The following ZNF165 variants were observed in gnomAD, a reference collection of about 807,000 sequenced individuals.
The protein encoded by ZNF165 is cancer/testis antigen 53.
ZNF165 carries 14 observed loss-of-function variants against 19.6 expected under a neutral mutation model. The observed-to-expected ratio is 0.71, with a 90% confidence interval of 0.47 to 1.12. The LOEUF is 1.12. Ranked by LOEUF, ZNF165 falls within the 50% of genes most tolerant of loss-of-function variation. ZNF165 has a pLI of 0.00. For missense variants in ZNF165, 504 were observed against 566.3 expected (o/e 0.89, Z 1.12); for synonymous variants, 165 against 195.0 (o/e 0.85, Z 1.28).
rs150684212 is a variant in ZNF165, at chr6:28,085,686, G to A, written c.206G>A (p.Arg69His). The A allele has an allele frequency of 1.2e-3, 1,960 of 1,614,084 alleles. 4 individuals carry two copies. The highest frequency in any genetic ancestry group is 1.5e-3 in the Non-Finnish European group (1,792 of 1,180,030). ...CCTGGACCTCGCGAGGCACTGAGCC[G>A]CCTCCGGGAGCTCTGCTGTCAGTGG... ...DSPGPREALS[R>H]LRELCCQWLK... Residue 69 changes from arginine to histidine, a missense_variant, in exon 2 of 4, where the codon CGC becomes CAC. Coordinates refer to ENST00000683778, the MANE Select transcript of ZNF165 (RefSeq NM_001376491.1).
Position 28,088,792 on chromosome 6 carries a change from C to A in ZNF165, c.780C>A (p.Thr260=), listed in dbSNP as rs1194689553. 6.8e-6 allele frequency: 11 copies of A among 1,613,882 alleles called. No homozygotes were observed. The highest frequency in any genetic ancestry group is 8.5e-6 in the Non-Finnish European group (10 of 1,180,020). Residue 260 remains threonine, a synonymous_variant, in exon 4 of 4, where the codon ACC becomes ACA. Coordinates refer to ENST00000683778, the MANE Select transcript of ZNF165 (RefSeq NM_001376491.1). ...ATGAAGGTTTTGGTAAAATCCTCAC[C>A]CACAAAAATACAGTCAGAGGTGAAA... ...AQDEGFGKIL[T]HKNTVRGEII... is the part of the protein sequence containing the mutation.
At position 28,088,747 on chromosome 6, in the gene ZNF165, G is replaced by A. The variant is rs1317498509; in HGVS notation, c.735G>A (p.Gln245=). The stretch of plus-strand genomic sequence containing the variant: ...GGGAAAAAGAATCAGGGGAGTCTCA[G>A]AGACTCTCGTCTGCCCAGGATGAAG... ...RQWEKESGES[Q]RLSSAQDEGF... The change falls in exon 4 of 4, where the codon CAG becomes CAA. Residue 245 remains glutamine, a synonymous_variant. Coordinates refer to ENST00000683778, the MANE Select transcript of ZNF165 (RefSeq NM_001376491.1). 6.2e-7 allele frequency: 1 copy of A among 1,614,154 alleles called. No homozygotes were observed. The highest frequency in any genetic ancestry group is 1.3e-5 in the African/African-American group (1 of 75,034).
intron 1 of ZNF165, 94 bp from the exon 2 acceptor site, chr6:28,085,387 A>G (rs1291838212): frequency 1.2e-5 from 16 of 1,290,038 alleles, no homozygotes; most frequent in Non-Finnish European, 1.7e-5. Flanking sequence ...TCATCTTCTT[A>G]GACAGTAATA....
chr6:28,087,435 G>A lies in ZNF165; in HGVS notation c.550+1125G>A, dbSNP rs139970647. Among the ~76,000 whole-genome samples, 403 of 152,198 alleles carry A rather than the reference G, an allele frequency of 2.6e-3. 1 individual carries two copies. Among genetic ancestry groups the A allele is most frequent in the African/African-American group, 9.1e-3 (378 of 41,516 alleles). On this transcript the variant is annotated intron_variant, in intron 3 of 3. Coordinates refer to ENST00000683778, the MANE Select transcript of ZNF165 (RefSeq NM_001376491.1). ...TAATTTTTGTATTTTTAGTAGAGAC[G>A]GGGTTTCACCATGTTGGCCAGGCTG...
chr6:28,088,636 A>G lies in ZNF165; in HGVS notation c.624A>G (p.Ile208Met), dbSNP rs1764347966. 2 of 1,613,786 alleles carry G rather than the reference A, an allele frequency of 1.2e-6. No individual in the cohort carries two copies. Among genetic ancestry groups the G allele is most frequent in the East Asian group, 2.2e-5 (1 of 44,884 alleles). The part of the protein sequence containing the change: ...IFEKIESQRI[I>M]SGRISGYISE... ...AAAAAATTGAATCACAGAGAATTATATCTGGAAGAATCTCAGGATACATAT... is the reference window on the plus strand; with the variant it reads ...AAAAAATTGAATCACAGAGAATTATGTCTGGAAGAATCTCAGGATACATAT... Residue 208 changes from isoleucine (I) to methionine (M), a missense_variant, in exon 4 of 4, where the codon ATA becomes ATG. Ile to Met is a conservative substitution (Grantham distance 10). Transcript: ENST00000683778.
chr6:28,087,464 T>C (rs1157528282), intron 3 of ZNF165, among the ~76,000 whole-genome samples: 1 of 152,224 alleles, frequency 6.6e-6, no homozygotes, highest in Non-Finnish European at 1.5e-5. Context: ...CAGGCTGGTC[T>C]CAAACTCCTG....
intron 2 of ZNF165, 41 bp from the exon 3 acceptor site, chr6:28,086,131 G>T (rs1033134564): frequency 2.5e-6 from 4 of 1,584,210 alleles, no homozygotes; most frequent in African/African-American, 2.7e-5. Flanking sequence ...GTTTAACACA[G>T]GGATTCTTTT....
At chr6:28,086,129 CAG>C (rs769407002) in intron 2 of ZNF165, 41 bp from the exon 3 acceptor site, 1 of 1,583,228 alleles carries the variant, frequency 6.3e-7, no homozygotes, top group South Asian at 1.2e-5. Context: ...ACGTTTAACA[CAG>C]GGATTCTTTT....
chr6:28,086,913 A>C (rs747138841), intron 3 of ZNF165, among the ~76,000 whole-genome samples: 1 of 152,220 alleles, frequency 6.6e-6, no homozygotes, highest in Non-Finnish European at 1.5e-5. Context: ...AAAGAAATAC[A>C]TGGACAGAAG....
rs763833189 is a variant in ZNF165 at position 28,085,673 on chromosome 6, G to A, written c.193G>A (p.Glu65Lys). The change falls in exon 2 of 4, where the codon GAG (glutamate) becomes AAG (lysine). Residue 65 changes from glutamate (E) to lysine (K), a missense_variant. Coordinates refer to ENST00000683778, the MANE Select transcript of ZNF165 (RefSeq NM_001376491.1). Reference sequence around the variant, plus strand: ...CTACCAGGATTCTCCTGGACCTCGCGAGGCACTGAGCCGCCTCCGGGAGCT... The same window carrying A: ...CTACCAGGATTCTCCTGGACCTCGCAAGGCACTGAGCCGCCTCCGGGAGCT... The part of the protein sequence containing the change: ...FCYQDSPGPR[E>K]ALSRLRELCC... 29 of 1,614,152 alleles carry A rather than the reference G, an allele frequency of 1.8e-5. No individual in the cohort carries two copies. Among genetic ancestry groups the A allele is most frequent in the African/African-American group, 1.7e-4 (13 of 75,062 alleles).
intron 1 of ZNF165, among the ~76,000 whole-genome samples, chr6:28,085,110 A>G (rs1306391912): frequency 2.0e-5 from 3 of 152,120 alleles, no homozygotes; most frequent in Admixed American, 2.0e-4. Context: ...CTATTTTATG[A>G]AGCACTTCTA....
intron 1 of ZNF165, among the ~76,000 whole-genome samples, chr6:28,084,769 A>T (rs1764233036): frequency 6.6e-6 from 1 of 152,238 alleles, no homozygotes; most frequent in African/African-American, 2.4e-5. Flanking sequence ...AGTGTTTAGC[A>T]GGTCATTCTG....
At chr6:28,088,249 G>T (rs533766636) in intron 3 of ZNF165, among the ~76,000 whole-genome samples, 2 of 152,284 alleles carry the variant, frequency 1.3e-5, no homozygotes, top group East Asian at 3.9e-4. Context: ...ATCTGCTGCA[G>T]TCAACATTGT....
intron 3 of ZNF165, among the ~76,000 whole-genome samples, chr6:28,088,339 A>G (rs1764334160): frequency 6.6e-6 from 1 of 152,070 alleles, no homozygotes; most frequent in South Asian, 2.1e-4. Flanking sequence ...TTTCTAATAT[A>G]TATGCTTCAC....
chr6:28,082,453 T>C (rs1048844173), intron 1 of ZNF165, among the ~76,000 whole-genome samples: 1 of 152,216 alleles, frequency 6.6e-6, no homozygotes, highest in Non-Finnish European at 1.5e-5. Context: ...TACCCACTTA[T>C]TTATTGACAG....
chr6:28,083,995 C>T (rs993675766), intron 1 of ZNF165, among the ~76,000 whole-genome samples: 4 of 152,330 alleles, frequency 2.6e-5, no homozygotes, highest in African/African-American at 9.6e-5. Flanking sequence ...GTTCTTCCCA[C>T]TGAATTTATT....
chr6:28,088,659 T>C lies in ZNF165; in HGVS notation c.647T>C (p.Ile216Thr). ...RIISGRISGY[I>T]SEASGESQDI... ...ATATCTGGAAGAATCTCAGGATACATATCAGAAGCATCTGGTGAGTCTCAA... is the reference window on the plus strand; with the variant it reads ...ATATCTGGAAGAATCTCAGGATACACATCAGAAGCATCTGGTGAGTCTCAA... Residue 216 changes from isoleucine (I) to threonine (T), a missense_variant, in exon 4 of 4, where the codon ATA becomes ACA. Coordinates refer to ENST00000683778, the MANE Select transcript of ZNF165 (RefSeq NM_001376491.1). The C allele has an allele frequency of 1.2e-6, 2 of 1,614,158 alleles. No homozygotes were observed. The highest frequency in any genetic ancestry group is 1.7e-6 in the Non-Finnish European group (2 of 1,180,010).
chr6:28,088,274 G>A (rs1021288418), intron 3 of ZNF165, among the ~76,000 whole-genome samples: 4 of 152,058 alleles, frequency 2.6e-5, no homozygotes, highest in Admixed American at 6.6e-5. Flanking sequence ...TTCCTTCTCC[G>A]TACTCTATCT....
At position 28,085,612 on chromosome 6, in the gene ZNF165, G is replaced by T; in HGVS notation, c.132G>T (p.Lys44Asn). The T allele has an allele frequency of 6.2e-7, 1 of 1,614,244 alleles. No individual in the cohort carries two copies. Among genetic ancestry groups the T allele is most frequent in the Non-Finnish European group, 8.5e-7 (1 of 1,180,044 alleles). ...DTCLQRSELLKQELCRQLFRQ... is the reference protein window; with the variant it reads ...DTCLQRSELLNQELCRQLFRQ... The stretch of plus-strand genomic sequence containing the variant: ...GCTTACAGAGAAGTGAACTCCTTAA[G>T]CAGGAGCTCTGCAGGCAGCTTTTTA... The change falls in exon 2 of 4, where the codon AAG (lysine) becomes AAT (asparagine). Residue 44 changes from lysine to asparagine, a missense_variant. Transcript: ENST00000683778.
Sources: gnomAD v4.1 joint callset for allele counts (sites outside exome capture counted in the v4.1 genomes callset) on GRCh38, gnomAD v4.1.1 for gene constraint, MANE v1.5 for transcripts, NCBI Gene and HGNC (gene_info 2026-07-23, HGNC 2026-07-21) for gene names.